Variants in SDF4 observed in about 807,000 individuals in gnomAD.
SDF4 encodes the protein stromal cell derived factor 4, also known as 45 kDa calcium-binding protein.
Under a neutral mutation model 34.2 loss-of-function variants are expected in SDF4, and 22 were observed. The observed-to-expected ratio is 0.64, with a 90% CI of 0.46 to 0.92. SDF4 has a LOEUF of 0.92. Ranked by LOEUF, SDF4 falls within the 40% of genes least tolerant of loss-of-function variation. The probability of loss-of-function intolerance (pLI) is 0.00; values close to 1 mark genes in which losing one functional copy is unlikely to be tolerated. For missense variants in SDF4, 447 were observed against 499.9 expected (o/e 0.89, Z 1.01); for synonymous variants, 236 against 203.1 (o/e 1.16, Z -1.38).
At chr1:1,223,028 C>G (rs1352215935) in intron 4 of SDF4, 53 of 581,116 alleles carry the variant, frequency 9.1e-5, no homozygotes, top group Non-Finnish European at 4.6e-5. Flanking sequence ...CATGTACTCA[C>G]GAGCACACAC....
chr1:1,227,376 C>G (rs1384268815), intron 2 of SDF4: 6 of 127,342 alleles, frequency 4.7e-5, no homozygotes, highest in Non-Finnish European at 8.5e-5. Flanking sequence ...CGTGGCCAGG[C>G]CCGGCGGGAA....
intron 4 of SDF4, among the ~76,000 whole-genome samples, chr1:1,222,106 G>A (rs764886869): frequency 1.3e-5 from 2 of 152,224 alleles, no homozygotes; most frequent in South Asian, 2.1e-4. Flanking sequence ...CGACACGGGC[G>A]CCCTGCAGGG....
rs12079947 is a variant in SDF4, at chr1:1,218,679, G to A, written c.716-46C>T. Reference sequence around the variant, plus strand: ...AGCCCACACCCAGGCTGGGGCTCCCGCAGGACCTGCCCCGACCTCCCGACG... The same window carrying A: ...AGCCCACACCCAGGCTGGGGCTCCCACAGGACCTGCCCCGACCTCCCGACG... On this transcript the variant is annotated intron_variant, in intron 5 of 6. Transcript: ENST00000360001. This position sits in a 1 kb window ranked among gnomAD's most constrained non-coding sequence, Gnocchi z 7.9. 572 of 1,612,164 alleles carry A rather than the reference G, an allele frequency of 3.5e-4. No individual in the cohort carries two copies. The African/African-American group carries it at 5.3e-3, about 15-fold the overall frequency.
intron 2 of SDF4, 49 bp downstream of exon 2, chr1:1,228,419 G>A (rs1457244197): frequency 1.3e-6 from 2 of 1,529,010 alleles, no homozygotes; most frequent in Non-Finnish European, 1.8e-6. Flanking sequence ...GAACACACAG[G>A]CGAGCGCACG....
intron 3 of SDF4, 69 bp from the exon 4 acceptor site, chr1:1,223,426 G>T: frequency 8.8e-7 from 1 of 1,131,784 alleles, no homozygotes; most frequent in Non-Finnish European, 1.3e-6. Flanking sequence ...ACTGAGATGG[G>T]GTCTTGCTCT....
At chr1:1,228,321 G>T in intron 2 of SDF4, 147 bp downstream of exon 2, 1 of 899,988 alleles carries the variant, frequency 1.1e-6, no homozygotes, top group Non-Finnish European at 1.6e-6. Context: ...CAGCAGGCTG[G>T]AAGTGGCGCT....
Position 1,217,819 on chromosome 1 carries a change from A to T in SDF4, c.892-131T>A. ...GTGGGCACGTTCTGGAAGGTTCCCG[A>T]AGGGAGGCGGCACAAATGAAAACAC... On this transcript the variant is annotated intron_variant, in intron 6 of 6. Coordinates refer to ENST00000360001, the MANE Select transcript of SDF4 (RefSeq NM_016176.6). This position sits in a 1 kb window ranked among gnomAD's most constrained non-coding sequence, Gnocchi z 8.5. 1 of 1,553,942 alleles carries T rather than the reference A, an allele frequency of 6.4e-7. No homozygotes were observed. Among genetic ancestry groups the T allele is most frequent in the Non-Finnish European group, 8.7e-7 (1 of 1,153,644 alleles).
Position 1,217,467 on chromosome 1 carries a change from C to CG in SDF4, c.*44dup. The CG allele has an allele frequency of 7.2e-7, 1 of 1,396,862 alleles. No homozygotes were observed. The highest frequency in any genetic ancestry group is 9.3e-7 in the Non-Finnish European group (1 of 1,073,652). The allele number at this position is 1,396,862 out of a possible 1,614,324, so 86.5% of individuals were successfully genotyped here. Reference sequence around the variant, plus strand: ...CGGAGCCCGGAGTCACCCGCGAGGCCGCCCCGGTGGTGCGTGGGGGGCGGC... The same window carrying CG: ...CGGAGCCCGGAGTCACCCGCGAGGCCGGCCCCGGTGGTGCGTGGGGGGCGGC... On this transcript the variant is annotated 3_prime_UTR_variant, in exon 7 of 7. Transcript: ENST00000360001. The surrounding 1 kb of genome is among the most constrained non-coding windows in gnomAD (Gnocchi z 8.5).
At chr1:1,219,970 T>G (rs1344478576) in intron 4 of SDF4, 1 of 985,420 alleles carries the variant, frequency 1.0e-6, no homozygotes, top group Non-Finnish European at 1.2e-6. Context: ...AAGACAGGAG[T>G]GACGGGGCTG....
rs953558631 is a variant in SDF4, at chr1:1,228,601, C to G, written c.172G>C (p.Val58Leu). 7.4e-6 allele frequency: 12 copies of G among 1,613,144 alleles called. No homozygotes were observed. The highest frequency in any genetic ancestry group is 1.0e-5 in the Non-Finnish European group (12 of 1,180,034). Reference sequence around the variant, plus strand: ...AGGTGCCCGTCCATCTCCAGCTTCACCCCGTTCAGGTGGTCTGGGGGCAGG... The same window carrying G: ...AGGTGCCCGTCCATCTCCAGCTTCAGCCCGTTCAGGTGGTCTGGGGGCAGG... ...EILPPDHLNG[V>L]KLEMDGHLNR... The change falls in exon 2 of 7, where the codon GTG (valine) becomes CTG (leucine). Residue 58 changes from valine to leucine, a missense_variant. By Grantham distance (32) the Val-to-Leu change is conservative. Transcript: ENST00000360001.
intron 1 of SDF4, among the ~76,000 whole-genome samples, chr1:1,231,500 T>A (rs900873830): frequency 6.6e-6 from 1 of 152,218 alleles, no homozygotes; most frequent in African/African-American, 2.4e-5. Flanking sequence ...CTCCAAATCC[T>A]ACTAACTGGG....
rs571765157 is a variant in SDF4, at chr1:1,222,552, C to T, written c.556+692G>A. 4.6e-5 allele frequency among the ~76,000 whole-genome samples: 7 copies of T among 152,354 alleles called. No individual in the cohort carries two copies. The East Asian group carries it at 5.8e-4, about 13-fold the overall frequency. On this transcript the variant is annotated intron_variant, in intron 4 of 6. Coordinates refer to ENST00000360001, the MANE Select transcript of SDF4 (RefSeq NM_016176.6). Reference sequence around the variant, plus strand: ...CACAGATGTCTCCAGCAGACCCAGGCCTCAGGGCCAGGCCCTCAGGCACAG... The same window carrying T: ...CACAGATGTCTCCAGCAGACCCAGGTCTCAGGGCCAGGCCCTCAGGCACAG...
intron 1 of SDF4, among the ~76,000 whole-genome samples, chr1:1,230,754 G>A (rs1309713229): frequency 6.6e-6 from 1 of 152,184 alleles, no homozygotes; most frequent in African/African-American, 2.4e-5. Flanking sequence ...CCATGCACCC[G>A]GCCTGATTTT....
intron 2 of SDF4, among the ~76,000 whole-genome samples, chr1:1,226,540 A>G (rs777529888): frequency 1.4e-4 from 21 of 152,238 alleles, no homozygotes; most frequent in Non-Finnish European, 2.6e-4. Context: ...GAGGAGACAG[A>G]GGAGACAGGA....
rs117830667 is a variant in SDF4 at position 1,218,484 on chromosome 1, C to G, written c.865G>C (p.Gly289Arg). ...TCCAGCTCCTCGGCGGTCACGATGCCGTCGTGGTTGGAGTCAATGAGCTCC... is the reference window on the plus strand; with the variant it reads ...TCCAGCTCCTCGGCGGTCACGATGCGGTCGTGGTTGGAGTCAATGAGCTCC... Reference protein sequence around the residue: ...FEELIDSNHDGIVTAEELESY... With the variant: ...FEELIDSNHDRIVTAEELESY... The change falls in exon 6 of 7, where the codon GGC becomes CGC. Residue 289 changes from glycine to arginine, a missense_variant. Coordinates refer to ENST00000360001, the MANE Select transcript of SDF4 (RefSeq NM_016176.6). This position sits in a 1 kb window ranked among gnomAD's most constrained non-coding sequence, Gnocchi z 7.9. 6.2e-7 allele frequency: 1 copy of G among 1,613,006 alleles called. No homozygotes were observed. Among genetic ancestry groups the G allele is most frequent in the African/African-American group, 1.3e-5 (1 of 74,934 alleles).
At position 1,217,450 on chromosome 1, in the gene SDF4, G is replaced by T; in HGVS notation, c.*62C>A. The T allele has an allele frequency of 7.4e-7, 1 of 1,343,060 alleles. No homozygotes were observed. The highest frequency in any genetic ancestry group is 9.6e-7 in the Non-Finnish European group (1 of 1,037,598). The allele number at this position is 1,343,060 out of a possible 1,614,324, so 83.2% of individuals were successfully genotyped here. A position where few individuals can be genotyped will look rare whatever the true frequency, so the allele number is the denominator to read the frequency against. On this transcript the variant is annotated 3_prime_UTR_variant, in exon 7 of 7. Coordinates refer to ENST00000360001, the MANE Select transcript of SDF4 (RefSeq NM_016176.6). This position sits in a 1 kb window ranked among gnomAD's most constrained non-coding sequence, Gnocchi z 8.5. ...GGGGTCCGGGACAGCCACGGAGCCC[G>T]GAGTCACCCGCGAGGCCGCCCCGGT...
intron 4 of SDF4, chr1:1,223,029 G>A (rs1301637334): frequency 1.4e-5 from 8 of 571,928 alleles, no homozygotes; most frequent in Non-Finnish European, 2.2e-5. Context: ...ATGTACTCAC[G>A]AGCACACACA....
intron 2 of SDF4, among the ~76,000 whole-genome samples, chr1:1,226,988 G>A (rs1253008822): frequency 6.6e-6 from 1 of 152,178 alleles, no homozygotes; most frequent in Non-Finnish European, 1.5e-5. Flanking sequence ...AGTGAACTCA[G>A]GCCACGCAAG....
rs774122471 is a variant in SDF4, at chr1:1,228,660, C to T, written c.113G>A (p.Arg38Gln). 5 of 1,612,998 alleles carry T rather than the reference C, an allele frequency of 3.1e-6. No individual in the cohort carries two copies. The highest frequency in any genetic ancestry group is 1.7e-5 in the Admixed American group (1 of 60,000). Residue 38 changes from arginine to glutamine, a missense_variant, in exon 2 of 7, where the codon CGA becomes CAA. Coordinates refer to ENST00000360001, the MANE Select transcript of SDF4 (RefSeq NM_016176.6). ...CTCCTCCCTGTTGGCTACTCTCTCT[C>T]GAGTGGACGAGTGGTTGGCAGGCCG... Reference protein sequence around the residue: ...SARPANHSSTRERVANREENE... With the variant: ...SARPANHSSTQERVANREENE...
Sources: allele counts gnomAD v4.1 joint callset (sites outside exome capture counted in the v4.1 genomes callset), GRCh38; gene constraint gnomAD v4.1.1; non-coding constraint Gnocchi (gnomAD v3.1); transcripts MANE v1.5; gene names NCBI Gene and HGNC (gene_info 2026-07-23, HGNC 2026-07-21).